EPHA7: variants seen among roughly 807,000 people sequenced by gnomAD.
EPHA7 encodes the protein EPH receptor A7.
In EPHA7, 25 loss-of-function variants were observed where a neutral mutation model predicts 112.6. The ratio of observed to expected loss-of-function variants is 0.22; its 90% CI spans 0.16 to 0.31. The LOEUF is 0.31. EPHA7 is among the 10% of genes least tolerant of loss of function. EPHA7 has a pLI of 1.00. For missense variants in EPHA7, 962 were observed against 1,212.6 expected (o/e 0.79, Z 3.07); for synonymous variants, 437 against 406.5 (o/e 1.07, Z -0.90).
intron 14 of EPHA7, among the ~76,000 whole-genome samples, chr6:93,250,255 G>A (rs975344505): frequency 5.3e-5 from 8 of 152,098 alleles, no homozygotes. Context: ...GCCAATAGGA[G>A]CTAATTGAGG....
At chr6:93,285,979 T>C (rs1473713540) in intron 5 of EPHA7, among the ~76,000 whole-genome samples, 1 of 152,164 alleles carries the variant, frequency 6.6e-6, no homozygotes, top group Admixed American at 6.5e-5. Flanking sequence ...TGTGCCAAAA[T>C]GTGAGTGCTG....
chr6:93,265,991 T>C (rs1313132090), intron 7 of EPHA7, among the ~76,000 whole-genome samples: 1 of 151,706 alleles, frequency 6.6e-6, no homozygotes, highest in Non-Finnish European at 1.5e-5. Flanking sequence ...AAAATCGCTC[T>C]GGTCTAATAG....
At chr6:93,353,993 C>T (rs1355061238) in intron 5 of EPHA7, among the ~76,000 whole-genome samples, 1 of 152,108 alleles carries the variant, frequency 6.6e-6, no homozygotes, top group Non-Finnish European at 1.5e-5. Flanking sequence ...TCCTGACTCT[C>T]TAAGCTTTCC....
intron 5 of EPHA7, among the ~76,000 whole-genome samples, chr6:93,282,539 C>T (rs1771797865): frequency 1.3e-5 from 2 of 152,272 alleles, no homozygotes; most frequent in South Asian, 4.1e-4. Context: ...TTGGCGCCTA[C>T]TCTGGCCACA....
chr6:93,360,867 T>G (rs1302043754), intron 3 of EPHA7, among the ~76,000 whole-genome samples: 1 of 152,136 alleles, frequency 6.6e-6, no homozygotes, highest in African/African-American at 2.4e-5. Flanking sequence ...ACACTCAGCC[T>G]TATGCTATTC....
chr6:93,272,715 T>C (rs1771286943), intron 5 of EPHA7, among the ~76,000 whole-genome samples: 1 of 151,936 alleles, frequency 6.6e-6, no homozygotes, highest in Non-Finnish European at 1.5e-5. Context: ...TGAATGCTAA[T>C]TAAGGCTAGA....
chr6:93,253,768 T>C (rs1262248473), intron 14 of EPHA7, among the ~76,000 whole-genome samples: 2 of 152,124 alleles, frequency 1.3e-5, no homozygotes, highest in South Asian at 2.1e-4. Flanking sequence ...TGAACCAAGG[T>C]ATCCACCAGA....
chr6:93,258,049 T>C, intron 11 of EPHA7, 50 bp downstream of exon 11: 2 of 1,513,356 alleles, frequency 1.3e-6, no homozygotes, highest in Non-Finnish European at 1.8e-6. Flanking sequence ...ATAATACTAA[T>C]TTCTGACACT....
intron 5 of EPHA7, among the ~76,000 whole-genome samples, chr6:93,311,594 A>AC (rs1459806932): frequency 6.6e-6 from 1 of 151,990 alleles, no homozygotes; most frequent in Non-Finnish European, 1.5e-5. Flanking sequence ...GAAGTCTTGA[A>AC]CCCCTCACCA....
intron 5 of EPHA7, among the ~76,000 whole-genome samples, chr6:93,286,978 TTC>T (rs1224425136): frequency 1.3e-5 from 2 of 152,204 alleles, no homozygotes; most frequent in African/African-American, 2.4e-5. Flanking sequence ...AACATTTAAT[TTC>T]TCTGTTTTAT....
intron 3 of EPHA7, among the ~76,000 whole-genome samples, chr6:93,377,170 G>C (rs546911448): frequency 1.3e-5 from 2 of 152,210 alleles, no homozygotes; most frequent in Admixed American, 6.5e-5. Context: ...GTGTGGAGGA[G>C]GTCTGTTACT....
rs377619656 is a variant in EPHA7 at position 93,246,931 on chromosome 6, C to T, written c.2587G>A (p.Ala863Thr). ...TCCAACATTAGCTGGTGAAGGCCAGCTGGGCAGTCCATGGGTGCTGGTAAA... is the reference window on the plus strand; with the variant it reads ...TCCAACATTAGCTGGTGAAGGCCAGTTGGGCAGTCCATGGGTGCTGGTAAA... ...YRLPAPMDCP[A>T]GLHQLMLDCW... Residue 863 changes from alanine to threonine, a missense_variant, in exon 15 of 17, where the codon GCT becomes ACT. This residue lies in a region of EPHA7 where 746 missense variants were observed against 889.2 expected (regional missense o/e 0.84). Coordinates refer to ENST00000369303, the MANE Select transcript of EPHA7 (RefSeq NM_004440.4). The T allele has an allele frequency of 8.8e-5, 142 of 1,613,460 alleles. 3 individuals carry two copies. In the South Asian group the frequency reaches 1.5e-3, roughly 17 times the overall value.
intron 5 of EPHA7, among the ~76,000 whole-genome samples, chr6:93,345,699 T>G (rs1775369532): frequency 6.6e-6 from 1 of 151,786 alleles, no homozygotes; most frequent in African/African-American, 2.4e-5. Flanking sequence ...CTTTAGCAGT[T>G]GTAACTGACA....
At chr6:93,273,338 C>T (rs1473826701) in intron 5 of EPHA7, among the ~76,000 whole-genome samples, 1 of 151,798 alleles carries the variant, frequency 6.6e-6, no homozygotes, top group Non-Finnish European at 1.5e-5. Context: ...ATGTACCATG[C>T]TCTATCTCAT....
At chr6:93,408,912 A>G (rs9452303) in intron 3 of EPHA7, among the ~76,000 whole-genome samples, 8,126 of 152,156 alleles carry the variant, frequency 0.053, 746 homozygotes, top group African/African-American at 0.19. Context: ...CAGTATACCT[A>G]AAATATGATT....
intron 5 of EPHA7, among the ~76,000 whole-genome samples, chr6:93,283,760 G>A (rs1003128145): frequency 2.6e-5 from 4 of 152,118 alleles, no homozygotes; most frequent in African/African-American, 4.8e-5. Flanking sequence ...ACGAGGGTCC[G>A]CGGCTTCATT....
chr6:93,249,294 A>G (rs1770101377), intron 14 of EPHA7, among the ~76,000 whole-genome samples: 1 of 152,186 alleles, frequency 6.6e-6, no homozygotes, highest in Non-Finnish European at 1.5e-5. Flanking sequence ...TTTTTTAAAA[A>G]ACATTTTAAG....
chr6:93,388,740 T>C (rs1341246178), intron 3 of EPHA7, among the ~76,000 whole-genome samples: 1 of 151,928 alleles, frequency 6.6e-6, no homozygotes, highest in Non-Finnish European at 1.5e-5. Flanking sequence ...TATATTATAA[T>C]CACAGGGGGG....
chr6:93,317,620 A>G (rs956810695), intron 5 of EPHA7, among the ~76,000 whole-genome samples: 25 of 152,330 alleles, frequency 1.6e-4, no homozygotes, highest in Admixed American at 1.4e-3. Flanking sequence ...TCACAGAATT[A>G]CACATAATCA....
Sources: allele counts gnomAD v4.1 joint callset (sites outside exome capture counted in the v4.1 genomes callset), GRCh38; gene constraint gnomAD v4.1.1; regional missense constraint gnomAD v4.1.1; transcripts MANE v1.5; gene names NCBI Gene and HGNC (gene_info 2026-07-23, HGNC 2026-07-21).